The following ICE2 variants were observed in gnomAD, a reference collection of about 807,000 sequenced individuals.
ICE2 encodes interactor of little elongation complex ELL subunit 2, also known as little elongation complex subunit 2.
Under a neutral mutation model 105.4 loss-of-function variants are expected in ICE2, and 87 were observed. The observed-to-expected ratio is 0.83, with a 90% CI of 0.69 to 0.99. The LOEUF is 0.99. Ranked by LOEUF, ICE2 falls within the 50% of genes least tolerant of loss-of-function variation. The probability of loss-of-function intolerance (pLI) is 0.00; values close to 1 mark genes in which losing one functional copy is unlikely to be tolerated. For synonymous variants in ICE2, 399 were observed against 392.0 expected, an observed-to-expected ratio of 1.02 and a Z score of -0.21; for missense variants, 1,323 against 1,146.7, an observed-to-expected ratio of 1.15 and a Z score of -2.22.
intron 3 of ICE2, among the ~76,000 whole-genome samples, chr15:60,475,103 G>C (rs559152503): frequency 6.6e-6 from 1 of 152,296 alleles, no homozygotes; most frequent in South Asian, 2.1e-4. Context: ...ACTGTAAAAG[G>C]AGAAACGAAG....
chr15:60,448,244 T>C (rs1436615680), intron 10 of ICE2, 99 bp from the exon 11 acceptor site: 6 of 737,806 alleles, frequency 8.1e-6, no homozygotes, highest in African/African-American at 1.8e-5. Flanking sequence ...ACTTCTATCA[T>C]CTTTAATTTT....
At chr15:60,477,720 G>A (rs375587501) in intron 2 of ICE2, among the ~76,000 whole-genome samples, 31 of 152,292 alleles carry the variant, frequency 2.0e-4, no homozygotes, top group Non-Finnish European at 4.0e-4. Context: ...AATAATTTGA[G>A]TGCTGAACTG....
intron 3 of ICE2, among the ~76,000 whole-genome samples, chr15:60,469,154 G>A (rs2064512908): frequency 6.6e-6 from 1 of 152,168 alleles, no homozygotes. Context: ...GCAGGGGCAC[G>A]AATGGAGCTG....
rs780462063 is a variant in ICE2, at chr15:60,448,017, T to C, written c.2248A>G (p.Arg750Gly). ...TTAGAACGTGGTCTTGTCTCTATCC[T>C]CTGGACACTGCAGCGTACGAGTAAC... ...LLLLVRCSVQ[R>G]IETRPRSKKR... The change falls in exon 11 of 16, where the codon AGG becomes GGG. Residue 750 changes from arginine (R) to glycine (G), a missense_variant. By Grantham distance (125) the Arg-to-Gly change is moderately radical. Coordinates refer to ENST00000261520, the MANE Select transcript of ICE2 (RefSeq NM_024611.6). The C allele has an allele frequency of 1.7e-5, 27 of 1,613,800 alleles. No homozygotes were observed. Among genetic ancestry groups the C allele is most frequent in the Non-Finnish European group, 2.1e-5 (25 of 1,179,898 alleles).
At chr15:60,436,688 A>C (rs1208719750) in intron 12 of ICE2, among the ~76,000 whole-genome samples, 2 of 137,608 alleles carry the variant, frequency 1.5e-5, no homozygotes, top group Non-Finnish European at 3.1e-5. Context: ...ACTGTACTCC[A>C]GCCTGGGTGG....
Position 60,449,225 on chromosome 15 carries a change from T to G in ICE2, c.1742A>C (p.Asp581Ala), listed in dbSNP as rs1415186062. Residue 581 changes from aspartate (D) to alanine (A), a missense_variant, in exon 10 of 16, where the codon GAT (aspartate) becomes GCT (alanine). Transcript: ENST00000261520. ...ATCACTATTATTTTTACATTCTGTATCAATGATTAAACACTCCTCATCTGT... is the reference window on the plus strand; with the variant it reads ...ATCACTATTATTTTTACATTCTGTAGCAATGATTAAACACTCCTCATCTGT... Reference protein sequence around the residue: ...SDTDEECLIIDTECKNNSDGK... With the variant: ...SDTDEECLIIATECKNNSDGK... 2 of 1,613,934 alleles carry G rather than the reference T, an allele frequency of 1.2e-6. 1 individual carries two copies. Among genetic ancestry groups the G allele is most frequent in the Admixed American group, 3.3e-5 (2 of 60,002 alleles).
At chr15:60,465,953 T>C (rs2064414899) in intron 5 of ICE2, among the ~76,000 whole-genome samples, 1 of 152,008 alleles carries the variant, frequency 6.6e-6, no homozygotes, top group African/African-American at 2.4e-5. Flanking sequence ...GGTTTCACTA[T>C]GCTGACCAGG....
At chr15:60,427,595 T>C (rs2063365049) in intron 15 of ICE2, among the ~76,000 whole-genome samples, 1 of 152,134 alleles carries the variant, frequency 6.6e-6, no homozygotes, top group East Asian at 1.9e-4. Flanking sequence ...AGGCTAATTT[T>C]TGGTAGAGAT....
intron 13 of ICE2, among the ~76,000 whole-genome samples, chr15:60,434,577 A>T (rs2063541677): frequency 6.6e-6 from 1 of 151,816 alleles, no homozygotes; most frequent in Non-Finnish European, 1.5e-5. Context: ...AATGGAATAT[A>T]TTCAGCCATA....
intron 11 of ICE2, chr15:60,442,975 C>A (rs2063750577): frequency 6.5e-6 from 1 of 152,864 alleles, no homozygotes; most frequent in African/African-American, 2.4e-5. Flanking sequence ...TTTTTTTCTC[C>A]TTTAAAGCAT....
chr15:60,436,361 A>C (rs2063586956), intron 12 of ICE2, 134 bp from the exon 13 acceptor site: 1 of 440,878 alleles, frequency 2.3e-6, no homozygotes, highest in Admixed American at 4.3e-5. Flanking sequence ...TAAAAGGAGA[A>C]ATACACATTT....
rs2063885178 is a variant in ICE2 at position 60,448,783 on chromosome 15, G to A, written c.2119+65C>T. 3 of 1,361,684 alleles carry A rather than the reference G, an allele frequency of 2.2e-6. No individual in the cohort carries two copies. In the East Asian group the frequency reaches 7.0e-5, roughly 32 times the overall value. The allele number at this position is 1,361,684 out of a possible 1,614,324, so 84.4% of individuals were successfully genotyped here. On this transcript the variant is annotated intron_variant, in intron 10 of 15. Transcript: ENST00000261520. ...AGGTTATGACAAAGTAAAGGAACGA[G>A]GGAGAAAAACCTAAGGAAAAAGAAC...
intron 9 of ICE2, chr15:60,451,859 G>GA (rs1232781513): frequency 4.1e-5 from 8 of 194,734 alleles, no homozygotes; most frequent in Non-Finnish European, 6.5e-5. Flanking sequence ...ATAATCCAAG[G>GA]AAAAAATGAC....
chr15:60,436,639 C>G (rs940143503), intron 12 of ICE2, among the ~76,000 whole-genome samples: 1 of 146,110 alleles, frequency 6.8e-6, no homozygotes, highest in African/African-American at 2.5e-5. Context: ...GGCGTTAACC[C>G]GGGAGGCAGA....
intron 14 of ICE2, among the ~76,000 whole-genome samples, chr15:60,428,937 G>A (rs1455943922): frequency 2.0e-5 from 3 of 151,960 alleles, no homozygotes; most frequent in Non-Finnish European, 4.4e-5. Context: ...ATAGCAATTC[G>A]TAAGTTTTCA....
rs2064486491 is a variant in ICE2, at chr15:60,468,252, G to A, written c.217C>T (p.Gln73Ter). The A allele has an allele frequency of 6.2e-7, 1 of 1,613,552 alleles. No individual in the cohort carries two copies. Among genetic ancestry groups the A allele is most frequent in the Admixed American group, 1.7e-5 (1 of 60,002 alleles). The stretch of plus-strand genomic sequence containing the variant: ...GTGGTTTTAACTTTTTCCTTTGCTT[G>A]AGTTGCTGAACTAACTGCCGGCTCA... ...ENEPAVSSAT[Q>*]AKEKVKTTIG... Residue 73 changes from glutamine to a stop codon, truncating the protein, a stop_gained, in exon 4 of 16, where the codon CAA becomes TAA. Transcript: ENST00000261520. LOFTEE classifies it high-confidence loss of function.
In ICE2 at chr15:60,479,122, G is replaced by T; in HGVS notation, c.-212C>A. ...CATATTTAAAGGATGTGGCCGCGCC[G>T]ACTCGGCCCTGCGTGATGACGTCTC... On this transcript the variant is annotated 5_prime_UTR_variant, in exon 1 of 16. Transcript: ENST00000261520. 1 of 420,106 alleles carries T rather than the reference G, an allele frequency of 2.4e-6. No individual in the cohort carries two copies. The highest frequency in any genetic ancestry group is 2.0e-5 in the African/African-American group (1 of 49,314). The allele number at this position is 420,106 out of a possible 1,614,324, so 26.0% of individuals were successfully genotyped here. A position where few individuals can be genotyped will look rare whatever the true frequency, so the allele number is the denominator to read the frequency against.
chr15:60,444,271 A>C (rs753312161), intron 11 of ICE2, among the ~76,000 whole-genome samples: 1 of 152,172 alleles, frequency 6.6e-6, no homozygotes, highest in Non-Finnish European at 1.5e-5. Context: ...TAAAAAGCAA[A>C]TACTTTGGGA....
chr15:60,442,647 A>G, intron 11 of ICE2, 102 bp from the exon 12 acceptor site: 1 of 856,944 alleles, frequency 1.2e-6, no homozygotes, highest in Non-Finnish European at 1.8e-6. Flanking sequence ...GCTTTCAGGT[A>G]ATCTTATTTC....
Sources: gnomAD v4.1 joint callset for allele counts (sites outside exome capture counted in the v4.1 genomes callset) on GRCh38, gnomAD v4.1.1 for gene constraint, MANE v1.5 for transcripts, NCBI Gene and HGNC (gene_info 2026-07-23, HGNC 2026-07-21) for gene names.